Variants in PABPC4L observed in about 807,000 individuals in gnomAD.
PABPC4L encodes the protein poly(A) binding protein cytoplasmic 4 like, also known as polyadenylate-binding protein 4-like.
For synonymous variants in PABPC4L, 169 were observed against 164.1 expected, an observed-to-expected ratio of 1.03 and a Z score of -0.23; for missense variants, 452 against 451.4, an observed-to-expected ratio of 1.00 and a Z score of -0.01.
chr4:133,995,079 A>G, the PABPC4L span, among the ~76,000 whole-genome samples: 3 of 152,176 alleles, frequency 2.0e-5, no homozygotes, highest in African/African-American at 7.2e-5. Context: ...ACCCACTGGC[A>G]TTGCCCTAGT....
At chr4:134,155,743 A>G in the PABPC4L span, among the ~76,000 whole-genome samples, 1 of 151,960 alleles carries the variant, frequency 6.6e-6, no homozygotes, top group African/African-American at 2.4e-5. Flanking sequence ...TAACTACCAA[A>G]AAACCACAGC....
chr4:134,078,290 C>T, the PABPC4L span, among the ~76,000 whole-genome samples: 1 of 152,078 alleles, frequency 6.6e-6, no homozygotes, highest in Non-Finnish European at 1.5e-5. Context: ...ATAATGAGCA[C>T]CAAAAGCACG....
chr4:134,050,826 G>GA, the PABPC4L span, among the ~76,000 whole-genome samples: 6 of 147,824 alleles, frequency 4.1e-5, no homozygotes, highest in East Asian at 1.2e-3. Flanking sequence ...GCTATGAGTA[G>GA]AAAAATCACA....
At chr4:133,975,207 C>T in the PABPC4L span, among the ~76,000 whole-genome samples, 1 of 151,980 alleles carries the variant, frequency 6.6e-6, no homozygotes, top group African/African-American at 2.4e-5. Context: ...CATGAATAAA[C>T]CTTGAAAATA....
At chr4:134,001,029 C>T in the PABPC4L span, among the ~76,000 whole-genome samples, 2 of 151,894 alleles carry the variant, frequency 1.3e-5, no homozygotes, top group African/African-American at 4.8e-5. Flanking sequence ...CTTTGGTGAA[C>T]CCTGACTGAT....
the PABPC4L span, among the ~76,000 whole-genome samples, chr4:133,991,043 A>T: frequency 6.6e-6 from 1 of 152,148 alleles, no homozygotes; most frequent in African/African-American, 2.4e-5. Context: ...TTGATTGAAG[A>T]GTACAGATGT....
chr4:134,019,611 A>G, the PABPC4L span, among the ~76,000 whole-genome samples: 1 of 152,200 alleles, frequency 6.6e-6, no homozygotes, highest in African/African-American at 2.4e-5. Flanking sequence ...TTTTCATTAC[A>G]AAAACATATT....
chr4:134,024,172 T>C, the PABPC4L span, among the ~76,000 whole-genome samples: 14 of 152,262 alleles, frequency 9.2e-5, 1 homozygote, highest in South Asian at 1.7e-3. Flanking sequence ...AAACTCTCTC[T>C]TAGGTTTGAA....
At chr4:134,032,256 T>C in the PABPC4L span, among the ~76,000 whole-genome samples, 1 of 151,882 alleles carries the variant, frequency 6.6e-6, no homozygotes, top group South Asian at 2.1e-4. Flanking sequence ...TGTTCCATTC[T>C]TCCCCTTTAA....
the PABPC4L span, among the ~76,000 whole-genome samples, chr4:134,069,866 T>C: frequency 6.6e-6 from 1 of 152,072 alleles, no homozygotes; most frequent in Admixed American, 6.6e-5. Flanking sequence ...GGGGAAATAG[T>C]TCAGTTATAT....
the PABPC4L span, among the ~76,000 whole-genome samples, chr4:133,978,622 A>G: frequency 6.6e-6 from 1 of 152,076 alleles, no homozygotes; most frequent in East Asian, 1.9e-4. Flanking sequence ...AAAGGCAGAC[A>G]TTATTCTTCA....
the PABPC4L span, among the ~76,000 whole-genome samples, chr4:134,171,969 A>T: frequency 6.6e-6 from 1 of 152,096 alleles, no homozygotes; most frequent in Non-Finnish European, 1.5e-5. Context: ...GGGGCATGAA[A>T]TATCTCTACA....
downstream of PABPC4L, among the ~76,000 whole-genome samples, chr4:134,194,920 G>A (rs578110501): frequency 1.1e-4 from 17 of 151,588 alleles, no homozygotes; most frequent in Admixed American, 3.3e-4. Context: ...GGCCATGAAA[G>A]GTTTTTAAGG....
chr4:134,022,286 T>G, the PABPC4L span, among the ~76,000 whole-genome samples: 1 of 152,144 alleles, frequency 6.6e-6, no homozygotes, highest in Non-Finnish European at 1.5e-5. Context: ...GGTACTCAAA[T>G]ACATTTAATT....
the PABPC4L span, among the ~76,000 whole-genome samples, chr4:134,097,727 A>T: frequency 6.6e-6 from 1 of 151,904 alleles, no homozygotes; most frequent in African/African-American, 2.4e-5. Context: ...ACTCTAACAA[A>T]ACTTACATTC....
chr4:134,076,485 C>T, the PABPC4L span, among the ~76,000 whole-genome samples: 764 of 152,020 alleles, frequency 5.0e-3, 5 homozygotes, highest in African/African-American at 0.017. Flanking sequence ...GACATACATG[C>T]GAGAGAATCA....
the PABPC4L span, among the ~76,000 whole-genome samples, chr4:134,050,706 C>CAAAAAAAAAAAAAAAAAAAA: frequency 3.6e-5 from 3 of 83,016 alleles, no homozygotes; most frequent in African/African-American, 5.3e-5. Flanking sequence ...CACCGTCTCC[C>CAAAAAAAAAAAAAAAAAAAA]AAAAAAAAAA....
chr4:134,050,253 A>C, the PABPC4L span, among the ~76,000 whole-genome samples: 2 of 152,192 alleles, frequency 1.3e-5, no homozygotes, highest in African/African-American at 4.8e-5. Flanking sequence ...ATGCTCTAAG[A>C]TATTTTTAAT....
At chr4:134,031,650 G>T in the PABPC4L span, among the ~76,000 whole-genome samples, 1 of 151,990 alleles carries the variant, frequency 6.6e-6, no homozygotes, top group Non-Finnish European at 1.5e-5. Flanking sequence ...GTAATAAGGT[G>T]AAAACTTAGT....
Sources: gnomAD v4.1 joint callset for allele counts (sites outside exome capture counted in the v4.1 genomes callset) on GRCh38, gnomAD v4.1.1 for gene constraint, MANE v1.5 for transcripts, NCBI Gene and HGNC (gene_info 2026-07-23, HGNC 2026-07-21) for gene names.